Variants in SORCS1 observed in about 807,000 individuals in gnomAD.
SORCS1 encodes VPS10 domain-containing receptor SorCS1.
In SORCS1, 60 loss-of-function variants were observed where a neutral mutation model predicts 146.1. The ratio of observed to expected loss-of-function variants is 0.41; its 90% confidence interval spans 0.33 to 0.51. The LOEUF (loss-of-function observed/expected upper bound fraction) is 0.51, where lower values mean the gene tolerates loss of function less well. Ranked by LOEUF, SORCS1 falls within the 20% of genes least tolerant of loss-of-function variation. The pLI is 0.21. For synonymous variants in SORCS1, 637 were observed against 584.0 expected (o/e 1.09, Z -1.31); for missense variants, 1,352 against 1,487.6 (o/e 0.91, Z 1.50).
chr10:107,056,403 A>G, intron 1 of SORCS1, among the ~76,000 whole-genome samples: 1 of 152,212 alleles, frequency 6.6e-6, no homozygotes. Flanking sequence ...GGAGCCATCC[A>G]TGTGCAAGAC....
intron 1 of SORCS1, among the ~76,000 whole-genome samples, chr10:106,998,827 C>A (rs1957100624): frequency 1.3e-5 from 2 of 152,118 alleles, no homozygotes; most frequent in Non-Finnish European, 2.9e-5. Context: ...TAGGACTTTG[C>A]AAAGATTAAT....
At chr10:106,923,563 C>T (rs981748605) in intron 2 of SORCS1, among the ~76,000 whole-genome samples, 3 of 152,148 alleles carry the variant, frequency 2.0e-5, no homozygotes, top group African/African-American at 7.2e-5. Flanking sequence ...GTGGCTGAAC[C>T]ACTCTGCATT....
chr10:107,098,620 G>A (rs936237679), intron 1 of SORCS1, among the ~76,000 whole-genome samples: 10 of 152,164 alleles, frequency 6.6e-5, no homozygotes, highest in African/African-American at 2.4e-4. Flanking sequence ...ATTTTATAAG[G>A]GAAGAGGAAA....
At chr10:106,620,185 C>T (rs1360427759) in intron 20 of SORCS1, 3 of 403,810 alleles carry the variant, frequency 7.4e-6, no homozygotes, top group Non-Finnish European at 1.3e-5. Context: ...AAGACAAGTA[C>T]AGCTGGAGAA....
chr10:107,017,789 C>T (rs1957960785), intron 1 of SORCS1, among the ~76,000 whole-genome samples: 1 of 152,076 alleles, frequency 6.6e-6, no homozygotes, highest in African/African-American at 2.4e-5. Context: ...CTGAGTAGCA[C>T]CCAAGTGCGT....
rs1445187465 is a variant in SORCS1, at chr10:106,924,352, A to T, written c.626+32161T>A. ...TCTGAGGAACTGCTCAGTGATTGAA[A>T]GGAACATTTTATTGTATTAGATAAA... On this transcript the variant is annotated intron_variant, in intron 2 of 25. Coordinates refer to ENST00000263054, the MANE Select transcript of SORCS1 (RefSeq NM_052918.5). Among the ~76,000 whole-genome samples the T allele has an allele frequency of 2.0e-5, 3 of 152,198 alleles. No homozygotes were observed. In the East Asian group the frequency reaches 5.8e-4, roughly 29 times the overall value.
At chr10:106,823,227 T>C (rs962460135) in intron 3 of SORCS1, among the ~76,000 whole-genome samples, 2 of 152,148 alleles carry the variant, frequency 1.3e-5, no homozygotes, top group African/African-American at 4.8e-5. Context: ...GCACCCCCTT[T>C]GATGTATTAT....
At chr10:107,053,635 C>A (rs1960339058) in intron 1 of SORCS1, among the ~76,000 whole-genome samples, 1 of 152,030 alleles carries the variant, frequency 6.6e-6, no homozygotes. Flanking sequence ...AAATTTTTCC[C>A]ACTGAGTTCA....
rs574411971 is a variant in SORCS1 at position 106,618,150 on chromosome 10, A to G, written c.2919T>C (p.Tyr973=). ...ILQDTKTIAV[Y]EEFRSLRLSF... is the part of the protein sequence containing the mutation. ...AGATCCACTGAGATGGGCACTCACCATATACTGCGATGGTCTTTGTGTCTT... is the reference window on the plus strand; with the variant it reads ...AGATCCACTGAGATGGGCACTCACCGTATACTGCGATGGTCTTTGTGTCTT... The change falls in exon 21 of 26, where the codon TAT becomes TAC. Residue 973 remains tyrosine, a splice_region_variant and synonymous_variant. Transcript: ENST00000263054. 31 of 1,614,074 alleles carry G rather than the reference A, an allele frequency of 1.9e-5. No homozygotes were observed. In the South Asian group the frequency reaches 2.1e-4, roughly 11 times the overall value.
intron 5 of SORCS1, among the ~76,000 whole-genome samples, chr10:106,750,148 A>G (rs550188413): frequency 1.3e-5 from 2 of 152,316 alleles, no homozygotes; most frequent in East Asian, 3.9e-4. Flanking sequence ...ATAAATTAAG[A>G]AGACACAATT....
intron 9 of SORCS1, among the ~76,000 whole-genome samples, chr10:106,690,215 T>C (rs942832795): frequency 1.3e-5 from 2 of 152,226 alleles, no homozygotes; most frequent in African/African-American, 4.8e-5. Context: ...TTTGTATATG[T>C]TCAAGAAGCT....
At chr10:106,704,536 A>T (rs372399678) in intron 8 of SORCS1, among the ~76,000 whole-genome samples, 249 of 152,216 alleles carry the variant, frequency 1.6e-3, no homozygotes, top group African/African-American at 5.5e-3. Context: ...CTAAAAATAC[A>T]AAAATTAGCC....
intron 5 of SORCS1, among the ~76,000 whole-genome samples, chr10:106,757,991 T>G (rs572495014): frequency 6.6e-6 from 1 of 152,348 alleles, no homozygotes; most frequent in South Asian, 2.1e-4. Flanking sequence ...GTTTAAGTAG[T>G]GCTTGTTGCA....
intron 1 of SORCS1, among the ~76,000 whole-genome samples, chr10:107,059,879 T>TAA (rs34340304): frequency 6.7e-6 from 1 of 148,324 alleles, no homozygotes; most frequent in Admixed American, 6.7e-5. Context: ...AAAAGTAGAT[T>TAA]AAAAAAAAAA....
intron 18 of SORCS1, among the ~76,000 whole-genome samples, chr10:106,648,889 C>G (rs893395995): frequency 3.9e-5 from 6 of 151,902 alleles, no homozygotes; most frequent in Admixed American, 1.3e-4. Flanking sequence ...CCCTGACACC[C>G]TAGCAAGCAG....
In SORCS1 at chr10:106,828,439, C is replaced by T. The variant is rs138621598; in HGVS notation, c.726+1135G>A. Among the ~76,000 whole-genome samples the T allele has an allele frequency of 6.2e-3, 946 of 152,250 alleles. 8 individuals are homozygous for T. Among genetic ancestry groups the T allele is most frequent in the African/African-American group, 0.022 (911 of 41,554 alleles). ...TTGCACGTTTGGGGACCACTTTTGA[C>T]AAGCAGCCAGAATTGAGAGTGATTG... On this transcript the variant is annotated intron_variant, in intron 3 of 25. Coordinates refer to ENST00000263054, the MANE Select transcript of SORCS1 (RefSeq NM_052918.5).
At chr10:106,700,752 G>T (rs962176634) in intron 8 of SORCS1, among the ~76,000 whole-genome samples, 2 of 152,130 alleles carry the variant, frequency 1.3e-5, no homozygotes, top group African/African-American at 4.8e-5. Flanking sequence ...GTTTATCACA[G>T]TAAACTCGTG....
rs547383106 is a variant in SORCS1, at chr10:107,144,439, T to C, written c.558+19530A>G. 3.0e-4 allele frequency among the ~76,000 whole-genome samples: 46 copies of C among 152,326 alleles called. 1 individual carries two copies. The South Asian group carries it at 8.9e-3, about 29-fold the overall frequency. On this transcript the variant is annotated intron_variant, in intron 1 of 25. Coordinates refer to ENST00000263054, the MANE Select transcript of SORCS1 (RefSeq NM_052918.5). Reference sequence around the variant, plus strand: ...GCATCCATATTTTTAACTATTACCCTTTCCTTCCTCCTGTAACTCTTTGCT... The same window carrying C: ...GCATCCATATTTTTAACTATTACCCCTTCCTTCCTCCTGTAACTCTTTGCT...
chr10:106,756,705 C>G (rs562060345), intron 5 of SORCS1, among the ~76,000 whole-genome samples: 2 of 152,266 alleles, frequency 1.3e-5, no homozygotes, highest in Admixed American at 1.3e-4. Flanking sequence ...ATAAAACCAG[C>G]TCAATACTCC....
Sources: allele counts gnomAD v4.1 joint callset (sites outside exome capture counted in the v4.1 genomes callset), GRCh38; gene constraint gnomAD v4.1.1; transcripts MANE v1.5; gene names NCBI Gene and HGNC (gene_info 2026-07-23, HGNC 2026-07-21).